PLXDC2: variants seen among roughly 807,000 people sequenced by gnomAD.
PLXDC2 encodes plexin domain-containing protein 2.
In PLXDC2, 40 loss-of-function variants were observed where a neutral mutation model predicts 68.9. The ratio of observed to expected loss-of-function variants is 0.58; its 90% CI spans 0.45 to 0.76. PLXDC2 has a LOEUF of 0.76. Among genes scored for constraint, PLXDC2 ranks in the 30% least tolerant of loss-of-function variants. The pLI is 0.00. For missense variants in PLXDC2, 644 were observed against 661.9 expected (o/e 0.97, Z 0.30); for synonymous variants, 243 against 234.2 (o/e 1.04, Z -0.34).
chr10:19,882,238 C>G (rs921210513), intron 1 of PLXDC2, among the ~76,000 whole-genome samples: 1 of 152,200 alleles, frequency 6.6e-6, no homozygotes, highest in African/African-American at 2.4e-5. Flanking sequence ...AAACATTTCA[C>G]TTATGTTTAT....
intron 9 of PLXDC2, among the ~76,000 whole-genome samples, chr10:20,191,671 G>A (rs12268091): frequency 2.0e-5 from 3 of 150,988 alleles, no homozygotes; most frequent in Admixed American, 2.0e-4. Context: ...TGGAGGGAGG[G>A]GGGAGGGATA....
chr10:20,175,754 C>T (rs897144061), intron 7 of PLXDC2, among the ~76,000 whole-genome samples: 3 of 152,114 alleles, frequency 2.0e-5, no homozygotes, highest in Non-Finnish European at 2.9e-5. Flanking sequence ...ATCGCTTGAG[C>T]CCAGGATGTC....
At chr10:19,900,166 C>T (rs1001861257) in intron 1 of PLXDC2, among the ~76,000 whole-genome samples, 7 of 152,040 alleles carry the variant, frequency 4.6e-5, no homozygotes, top group South Asian at 2.1e-4. Flanking sequence ...TTCATCAATC[C>T]ACAAAGGATT....
chr10:20,166,112 G>T (rs937985321), intron 7 of PLXDC2, among the ~76,000 whole-genome samples: 2 of 152,080 alleles, frequency 1.3e-5, no homozygotes, highest in Non-Finnish European at 2.9e-5. Flanking sequence ...TTCTTTGGTT[G>T]TGACTTGAGG....
At chr10:20,181,567 C>T (rs1166371607) in intron 9 of PLXDC2, among the ~76,000 whole-genome samples, 1 of 152,006 alleles carries the variant, frequency 6.6e-6, no homozygotes, top group Non-Finnish European at 1.5e-5. Context: ...GGGTAGGCAG[C>T]TACAGCGAAG....
At chr10:20,128,665 ATCC>A (rs1833824829) in intron 4 of PLXDC2, among the ~76,000 whole-genome samples, 1 of 152,036 alleles carries the variant, frequency 6.6e-6, no homozygotes, top group African/African-American at 2.4e-5. Context: ...TGTTTACCCT[ATCC>A]CCCCACTTCT....
chr10:20,156,344 G>A (rs937041588), intron 6 of PLXDC2, among the ~76,000 whole-genome samples: 1 of 152,110 alleles, frequency 6.6e-6, no homozygotes, highest in African/African-American at 2.4e-5. Flanking sequence ...TGTTTTAAGT[G>A]TACACGTTTG....
chr10:20,258,869 G>A (rs1223538681), intron 13 of PLXDC2, among the ~76,000 whole-genome samples: 14 of 152,026 alleles, frequency 9.2e-5, no homozygotes, highest in Admixed American at 2.6e-4. Context: ...TTAGCCGGGC[G>A]TGGTGGCAGG....
intron 4 of PLXDC2, among the ~76,000 whole-genome samples, chr10:20,082,427 A>G (rs957063645): frequency 6.6e-6 from 1 of 152,094 alleles, no homozygotes; most frequent in Non-Finnish European, 1.5e-5. Flanking sequence ...TAAAATTAAA[A>G]GTTTATTTTT....
chr10:20,221,006 C>T (rs1168432511), intron 12 of PLXDC2, among the ~76,000 whole-genome samples: 2 of 151,824 alleles, frequency 1.3e-5, no homozygotes, highest in Non-Finnish European at 2.9e-5. Flanking sequence ...CTACGCCTGG[C>T]TAATTTTTGT....
intron 1 of PLXDC2, among the ~76,000 whole-genome samples, chr10:19,979,734 A>T (rs1028928300): frequency 6.6e-6 from 1 of 152,036 alleles, no homozygotes; most frequent in African/African-American, 2.4e-5. Flanking sequence ...CCTGCTTTAG[A>T]CTCTCTAAAG....
intron 1 of PLXDC2, among the ~76,000 whole-genome samples, chr10:19,867,640 CT>C (rs1175345607): frequency 6.6e-6 from 1 of 152,124 alleles, no homozygotes; most frequent in African/African-American, 2.4e-5. Context: ...TATTTCCATG[CT>C]TGTGGGGAGG....
intron 4 of PLXDC2, among the ~76,000 whole-genome samples, chr10:20,083,096 T>C (rs137968154): frequency 1.3e-5 from 2 of 152,298 alleles, no homozygotes; most frequent in Non-Finnish European, 2.9e-5. Context: ...TTAATAGTGG[T>C]AACCCCCTAA....
chr10:19,899,443 A>T (rs541049686), intron 1 of PLXDC2, among the ~76,000 whole-genome samples: 1 of 152,186 alleles, frequency 6.6e-6, no homozygotes, highest in Admixed American at 6.5e-5. Context: ...TTAAATTACC[A>T]ACTGTTGCCT....
intron 1 of PLXDC2, among the ~76,000 whole-genome samples, chr10:19,954,616 G>C (rs903347733): frequency 6.6e-6 from 1 of 152,056 alleles, no homozygotes; most frequent in Non-Finnish European, 1.5e-5. Flanking sequence ...TAATTTAAAT[G>C]AATTATTTCG....
chr10:20,257,110 A>G (rs1835751942), intron 13 of PLXDC2, among the ~76,000 whole-genome samples: 1 of 152,192 alleles, frequency 6.6e-6, no homozygotes, highest in Non-Finnish European at 1.5e-5. Context: ...CTGTGAAGGT[A>G]CAAATACCAA....
chr10:19,848,600 CA>C (rs778081098), intron 1 of PLXDC2, among the ~76,000 whole-genome samples: 1 of 152,114 alleles, frequency 6.6e-6, no homozygotes, highest in Non-Finnish European at 1.5e-5. Context: ...AAATACTTAC[CA>C]AAAGTACCAA....
Position 20,035,888 on chromosome 10 carries a change from T to C in PLXDC2, c.325-10981T>C, listed in dbSNP as rs188306395. On this transcript the variant is annotated intron_variant, in intron 2 of 13. Coordinates refer to ENST00000377252, the MANE Select transcript of PLXDC2 (RefSeq NM_032812.9). ...TAACTGAGTTATAATTTTTAGAAGT[T>C]GATTCTGAGTAAATTTTTGCATAAT... 1.4e-3 allele frequency among the ~76,000 whole-genome samples: 206 copies of C among 152,242 alleles called. 1 individual carries two copies. Among genetic ancestry groups the C allele is most frequent in the Non-Finnish European group, 1.9e-3 (126 of 68,020 alleles).
rs1168581519 is a variant in PLXDC2 at position 20,287,504 on chromosome 10, T to C, written c.*7685T>C. ...ATTTGTGGTGAAGCCTCAGCCACCATGTTCAAGGTGGTTTGAATGAAAACA... is the reference window on the plus strand; with the variant it reads ...ATTTGTGGTGAAGCCTCAGCCACCACGTTCAAGGTGGTTTGAATGAAAACA... On this transcript the variant is annotated 3_prime_UTR_variant, in exon 14 of 14. Transcript: ENST00000377252. 1 of 152,098 alleles carries C rather than the reference T, an allele frequency of 6.6e-6. No individual in the cohort carries two copies. The highest frequency in any genetic ancestry group is 2.4e-5 in the African/African-American group (1 of 41,448). The allele number at this position is 152,098 out of a possible 1,614,324, so 9.4% of individuals were successfully genotyped here. A position where few individuals can be genotyped will look rare whatever the true frequency, so the allele number is the denominator to read the frequency against.
Sources: allele counts gnomAD v4.1 joint callset (sites outside exome capture counted in the v4.1 genomes callset), GRCh38; gene constraint gnomAD v4.1.1; transcripts MANE v1.5; gene names NCBI Gene and HGNC (gene_info 2026-07-23, HGNC 2026-07-21).